TASP1: variants seen among roughly 807,000 people sequenced by gnomAD.
TASP1 encodes taspase 1, also known as threonine aspartase 1.
Under a neutral mutation model 56.6 loss-of-function variants are expected in TASP1, and 16 were observed. That is an observed-to-expected ratio of 0.28 (90% CI 0.19 to 0.43). The LOEUF (loss-of-function observed/expected upper bound fraction) is 0.43. Ranked by LOEUF, TASP1 falls within the 20% of genes least tolerant of loss-of-function variation. The probability of loss-of-function intolerance (pLI) is 1.00; values close to 1 mark genes in which losing one functional copy is unlikely to be tolerated. For missense variants in TASP1, 393 were observed against 511.6 expected, an observed-to-expected ratio of 0.77 and a Z score of 2.24; for synonymous variants, 179 against 184.2, an observed-to-expected ratio of 0.97 and a Z score of 0.23.
At chr20:13,589,312 C>A (rs1391623287) in intron 4 of TASP1, among the ~76,000 whole-genome samples, 2 of 152,032 alleles carry the variant, frequency 1.3e-5, no homozygotes, top group African/African-American at 4.8e-5. Flanking sequence ...CCCGCCTCAG[C>A]CTCCCAAAGT....
chr20:13,279,585 T>C, the TASP1 span: 1 of 1,564,538 alleles, frequency 6.4e-7, no homozygotes, highest in Non-Finnish European at 8.7e-7. Flanking sequence ...TCATGTAGCT[T>C]GGAGGCTGTT....
At chr20:13,297,208 G>A in the TASP1 span, among the ~76,000 whole-genome samples, 1 of 152,172 alleles carries the variant, frequency 6.6e-6, no homozygotes, top group Admixed American at 6.5e-5. Context: ...CTGTTTTCCA[G>A]AATGCAGAAG....
the TASP1 span, among the ~76,000 whole-genome samples, chr20:13,121,741 G>A: frequency 9.9e-5 from 15 of 152,222 alleles, no homozygotes; most frequent in Admixed American, 4.6e-4. Flanking sequence ...TACTCAAAGA[G>A]CTCCATTTTT....
At chr20:13,216,093 T>C in the TASP1 span, among the ~76,000 whole-genome samples, 1 of 152,244 alleles carries the variant, frequency 6.6e-6, no homozygotes, top group Non-Finnish European at 1.5e-5. Flanking sequence ...TAGATATTTA[T>C]GGAGCATTTA....
At chr20:13,393,694 C>T (rs1179028924) in intron 13 of TASP1, 1 of 1,188,092 alleles carries the variant, frequency 8.4e-7, no homozygotes, top group East Asian at 2.4e-5. Context: ...ACCACCAGCC[C>T]CAGCGACAGC....
At chr20:13,513,981 A>G (rs1249592403) in intron 10 of TASP1, among the ~76,000 whole-genome samples, 2 of 152,160 alleles carry the variant, frequency 1.3e-5, no homozygotes, top group Non-Finnish European at 2.9e-5. Flanking sequence ...ATCCCACAAA[A>G]TTTACTTTTG....
the TASP1 span, among the ~76,000 whole-genome samples, chr20:13,324,003 A>G: frequency 6.6e-6 from 1 of 152,204 alleles, no homozygotes; most frequent in African/African-American, 2.4e-5. Context: ...AAGAAATGTT[A>G]TCTATCTCCC....
intron 10 of TASP1, among the ~76,000 whole-genome samples, chr20:13,485,027 G>A (rs1040963652): frequency 5.3e-5 from 8 of 152,172 alleles, no homozygotes; most frequent in Admixed American, 3.3e-4. Flanking sequence ...AATACCTAAT[G>A]TAAGTGATGG....
intron 10 of TASP1, among the ~76,000 whole-genome samples, chr20:13,509,124 AGTGT>A (rs71334125): frequency 0.11 from 15,973 of 142,694 alleles, 919 homozygotes; most frequent in Admixed American, 0.19. Flanking sequence ...GAATGAAGAA[AGTGT>A]GTGTGTGTGT....
Position 13,599,987 on chromosome 20 carries a change from A to G in TASP1, c.283-12617T>C, listed in dbSNP as rs1568633813. Among the ~76,000 whole-genome samples the G allele has an allele frequency of 5.3e-5, 8 of 152,188 alleles. No homozygotes were observed. The South Asian group carries it at 1.7e-3, about 31-fold the overall frequency. ...CAATATATAAACAAAAACTTTTTCT[A>G]TATAGTAGTAATAAACTATTGGAAA... On this transcript the variant is annotated intron_variant, in intron 4 of 13. Coordinates refer to ENST00000337743, the MANE Select transcript of TASP1 (RefSeq NM_017714.3).
At chr20:13,203,597 G>A in the TASP1 span, among the ~76,000 whole-genome samples, 1 of 152,132 alleles carries the variant, frequency 6.6e-6, no homozygotes, top group South Asian at 2.1e-4. Context: ...TTAATTAAAT[G>A]ACAATTCGGA....
chr20:13,483,902 G>C (rs990352370), intron 10 of TASP1, among the ~76,000 whole-genome samples: 1 of 151,990 alleles, frequency 6.6e-6, no homozygotes, highest in Non-Finnish European at 1.5e-5. Context: ...TTTTTGCAAT[G>C]TACTCATCTG....
At chr20:13,397,789 A>G (rs1341111167) in intron 13 of TASP1, among the ~76,000 whole-genome samples, 1 of 152,168 alleles carries the variant, frequency 6.6e-6, no homozygotes, top group Non-Finnish European at 1.5e-5. Context: ...CTTTTTCGGT[A>G]AAAGTGAAAA....
the TASP1 span, among the ~76,000 whole-genome samples, chr20:13,169,347 T>C: frequency 1.3e-5 from 2 of 152,074 alleles, no homozygotes; most frequent in Non-Finnish European, 2.9e-5. Flanking sequence ...AAGTCAGGGC[T>C]CTAGAGAGCT....
At chr20:13,450,267 C>A (rs1005907110) in intron 11 of TASP1, among the ~76,000 whole-genome samples, 2 of 152,030 alleles carry the variant, frequency 1.3e-5, no homozygotes, top group Admixed American at 1.3e-4. Flanking sequence ...TTGAAGGCTG[C>A]TGTTGGATCA....
intron 9 of TASP1, 101 bp from the exon 10 acceptor site, chr20:13,528,612 T>G (rs1054491581): frequency 8.9e-6 from 9 of 1,011,956 alleles, no homozygotes; most frequent in Non-Finnish European, 1.3e-5. Flanking sequence ...GGTTTAATAA[T>G]GATGTAAAAC....
At chr20:13,320,934 C>T in the TASP1 span, among the ~76,000 whole-genome samples, 17,030 of 152,078 alleles carry the variant, frequency 0.11, 1,367 homozygotes, top group Non-Finnish European at 0.17. Context: ...CACAGTGGCT[C>T]ATACCTGTAA....
intron 4 of TASP1, among the ~76,000 whole-genome samples, chr20:13,598,198 A>G (rs937083524): frequency 4.6e-5 from 7 of 152,212 alleles, no homozygotes; most frequent in Non-Finnish European, 1.0e-4. Flanking sequence ...GTTCATATGG[A>G]ACCAAAAAAA....
intron 8 of TASP1, among the ~76,000 whole-genome samples, chr20:13,541,336 T>C (rs2045613781): frequency 6.6e-6 from 1 of 152,140 alleles, no homozygotes; most frequent in African/African-American, 2.4e-5. Context: ...AACTTACAAA[T>C]GGTATTCAAC....
Sources: gnomAD v4.1 joint callset for allele counts (sites outside exome capture counted in the v4.1 genomes callset) on GRCh38, gnomAD v4.1.1 for gene constraint, MANE v1.5 for transcripts, NCBI Gene and HGNC (gene_info 2026-07-23, HGNC 2026-07-21) for gene names.